Variants in CDH12 observed in about 807,000 individuals in gnomAD.
CDH12 encodes cadherin-12.
In CDH12, 41 loss-of-function variants were observed where a neutral mutation model predicts 74.1. The observed-to-expected ratio is 0.55, with a 90% CI of 0.43 to 0.72. The LOEUF is 0.72. Among genes scored for constraint, CDH12 ranks in the 30% least tolerant of loss-of-function variants. CDH12 has a pLI of 0.00. For synonymous variants in CDH12, 399 were observed against 355.0 expected (o/e 1.12, Z -1.39); for missense variants, 945 against 977.2 (o/e 0.97, Z 0.44).
At chr5:22,036,009 T>C (rs1323472728) in intron 5 of CDH12, among the ~76,000 whole-genome samples, 1 of 152,146 alleles carries the variant, frequency 6.6e-6, no homozygotes, top group Non-Finnish European at 1.5e-5. Context: ...AACAACTCCC[T>C]ACAGTTGGGT....
At chr5:22,470,059 T>C (rs372112284) in intron 2 of CDH12, among the ~76,000 whole-genome samples, 4 of 152,150 alleles carry the variant, frequency 2.6e-5, no homozygotes, top group South Asian at 4.1e-4. Flanking sequence ...AGGTGAAAAG[T>C]CAAAGATGAA....
chr5:21,935,747 T>A (rs1377086086), intron 6 of CDH12, among the ~76,000 whole-genome samples: 1 of 152,190 alleles, frequency 6.6e-6, no homozygotes, highest in East Asian at 1.9e-4. Context: ...TCCCAAACCC[T>A]CACTACCCTT....
intron 1 of CDH12, among the ~76,000 whole-genome samples, chr5:22,710,857 A>T (rs760382427): frequency 2.6e-5 from 4 of 152,038 alleles, no homozygotes; most frequent in Non-Finnish European, 4.4e-5. Context: ...ACAAAAATAG[A>T]TTCGTGATGA....
At chr5:22,044,139 G>A (rs1326758278) in intron 5 of CDH12, among the ~76,000 whole-genome samples, 1 of 152,074 alleles carries the variant, frequency 6.6e-6, no homozygotes, top group Non-Finnish European at 1.5e-5. Flanking sequence ...GCAATCTTGA[G>A]CAAAATGAAC....
At position 22,599,046 on chromosome 5, in the gene CDH12, C is replaced by T. The variant is rs143492578; in HGVS notation, c.-522-93682G>A. Among the ~76,000 whole-genome samples, 378 of 152,206 alleles carry T rather than the reference C, an allele frequency of 2.5e-3. 2 individuals are homozygous for T. Among genetic ancestry groups the T allele is most frequent in the African/African-American group, 8.3e-3 (345 of 41,536 alleles). ...GCTCTCACTTGTGTTTAAACATGGT[C>T]GCCAAAAATCAGAGCCTTATGTTTG... On this transcript the variant is annotated intron_variant, in intron 1 of 14. Transcript: ENST00000382254.
chr5:22,249,098 A>G (rs761930464), intron 3 of CDH12, among the ~76,000 whole-genome samples: 16 of 152,182 alleles, frequency 1.1e-4, no homozygotes, highest in Non-Finnish European at 1.8e-4. Context: ...CCAAAATACT[A>G]TACTATAATA....
chr5:22,280,824 G>A (rs534322322), intron 3 of CDH12, among the ~76,000 whole-genome samples: 18 of 152,158 alleles, frequency 1.2e-4, no homozygotes, highest in African/African-American at 4.3e-4. Context: ...TTCCTTCTGA[G>A]ACTATTCCAA....
At chr5:22,516,993 T>A (rs1736838900) in intron 1 of CDH12, among the ~76,000 whole-genome samples, 2 of 152,102 alleles carry the variant, frequency 1.3e-5, no homozygotes, top group Non-Finnish European at 2.9e-5. Context: ...TACAAAAAGC[T>A]AATTTTTGTT....
chr5:21,883,634 C>A, intron 6 of CDH12: 1 of 1,611,364 alleles, frequency 6.2e-7, no homozygotes, highest in Non-Finnish European at 8.5e-7. Context: ...TTGGAGAGGT[C>A]ATTGTGACCA....
intron 10 of CDH12, among the ~76,000 whole-genome samples, chr5:21,790,564 G>T (rs1746434005): frequency 6.6e-6 from 1 of 151,922 alleles, no homozygotes; most frequent in South Asian, 2.1e-4. Flanking sequence ...TTAGTTTAGG[G>T]ATCTTTCATT....
rs546034061 is a variant in CDH12 at position 22,232,902 on chromosome 5, A to T, written c.-332-20259T>A. ...TTTCTTTATTATATATTTTCTATAT[A>T]TATTTTTTCTCTCTCATTGGATTGC... On this transcript the variant is annotated intron_variant, in intron 3 of 14. Transcript: ENST00000382254. Among the ~76,000 whole-genome samples, 143 of 148,460 alleles carry T rather than the reference A, an allele frequency of 9.6e-4. 2 individuals carry two copies. The highest frequency in any genetic ancestry group is 3.3e-3 in the African/African-American group (136 of 40,886).
intron 1 of CDH12, among the ~76,000 whole-genome samples, chr5:22,672,489 G>A (rs1400264578): frequency 2.6e-5 from 4 of 151,978 alleles, no homozygotes; most frequent in South Asian, 2.1e-4. Context: ...CTAGATTTAC[G>A]ATAAGAGGAT....
At chr5:21,956,161 AAATAT>A (rs1756085611) in intron 6 of CDH12, among the ~76,000 whole-genome samples, 1 of 152,084 alleles carries the variant, frequency 6.6e-6, no homozygotes, top group Non-Finnish European at 1.5e-5. Flanking sequence ...TACTTAAATT[AAATAT>A]AATAGATAAT....
In CDH12 at chr5:22,147,835, G is replaced by T. The variant is rs189447042; in HGVS notation, c.-187+64663C>A. Among the ~76,000 whole-genome samples the T allele has an allele frequency of 8.0e-3, 1,214 of 152,232 alleles. 5 individuals carry two copies. The highest frequency in any genetic ancestry group is 0.011 in the Non-Finnish European group (780 of 68,024). ...ATCTCCCACCAGTTCCCTCCCACAA[G>T]ATGTGGAATTATGGGAGCTACAATT... On this transcript the variant is annotated intron_variant, in intron 4 of 14. Transcript: ENST00000382254.
intron 8 of CDH12, among the ~76,000 whole-genome samples, chr5:21,822,935 G>C: frequency 6.6e-6 from 1 of 151,870 alleles, no homozygotes; most frequent in Non-Finnish European, 1.5e-5. Context: ...GCAGCTAAAC[G>C]CAATAGAAAA....
chr5:21,824,970 A>G (rs1748582144), intron 8 of CDH12, among the ~76,000 whole-genome samples: 1 of 152,108 alleles, frequency 6.6e-6, no homozygotes, highest in African/African-American at 2.4e-5. Context: ...CCTGGCCAAC[A>G]TGGTGAAACT....
At chr5:21,832,815 ATATG>A (rs1205949880) in intron 8 of CDH12, among the ~76,000 whole-genome samples, 68 of 120,634 alleles carry the variant, frequency 5.6e-4, no homozygotes, top group African/African-American at 2.0e-3. Flanking sequence ...ATCATATAAT[ATATG>A]ATATATATTA....
intron 2 of CDH12, among the ~76,000 whole-genome samples, chr5:22,463,580 A>C (rs1745605040): frequency 6.6e-6 from 1 of 152,272 alleles, no homozygotes; most frequent in East Asian, 1.9e-4. Flanking sequence ...TAAATCTATA[A>C]AATTAAATGA....
intron 1 of CDH12, among the ~76,000 whole-genome samples, chr5:22,724,600 A>G (rs1282964770): frequency 6.6e-6 from 1 of 151,916 alleles, no homozygotes; most frequent in Non-Finnish European, 1.5e-5. Flanking sequence ...TCCATGGTGT[A>G]TATATACCAC....
Sources: allele counts gnomAD v4.1 joint callset (sites outside exome capture counted in the v4.1 genomes callset), GRCh38; gene constraint gnomAD v4.1.1; transcripts MANE v1.5; gene names NCBI Gene and HGNC (gene_info 2026-07-23, HGNC 2026-07-21).